The following PWWP3B variants were observed in gnomAD, a reference collection of about 807,000 sequenced individuals.
PWWP3B encodes PWWP domain containing 3B, also known as PWWP domain-containing DNA repair factor 3B.
A neutral mutation model predicts 15.7 loss-of-function variants in PWWP3B; 5 were observed. That is an observed-to-expected ratio of 0.32 (90% CI 0.17 to 0.67). PWWP3B has a LOEUF of 0.67. PWWP3B is among the 30% of genes least tolerant of loss of function. The pLI is 0.74. For missense variants in PWWP3B, 519 were observed against 493.1 expected (o/e 1.05, Z -0.50); for synonymous variants, 203 against 179.8 (o/e 1.13, Z -1.03).
intron 2 of PWWP3B, among the ~76,000 whole-genome samples, chrX:106,180,663 C>G (rs969143208): frequency 1.8e-5 from 2 of 111,786 alleles, no homozygotes; most frequent in African/African-American, 6.5e-5. Flanking sequence ...CTGGTTAAAC[C>G]AGACAAACGC....
At chrX:106,190,844 C>A (rs1922890834) in intron 2 of PWWP3B, among the ~76,000 whole-genome samples, 1 of 111,162 alleles carries the variant, frequency 9.0e-6, no homozygotes, top group Non-Finnish European at 1.9e-5. Flanking sequence ...TGTCAAAGAT[C>A]AGATAGTTGT....
At position 106,193,936 on chromosome X, in the gene PWWP3B, T is replaced by G. The variant is rs181423967; in HGVS notation, c.-400-10049T>G. On this transcript the variant is annotated intron_variant, in intron 2 of 3. Transcript: ENST00000357175. ...TGTTAGTCTGATGGGCTTCCCTTTG[T>G]GGGTAACCTCACCTTTCTTTCTGGC... Among the ~76,000 whole-genome samples the G allele has an allele frequency of 3.5e-3, 398 of 112,303 alleles. 3 individuals are homozygous for G. The highest frequency in any genetic ancestry group is 0.012 in the African/African-American group (381 of 30,913).
At chrX:106,204,693 A>C (rs1369636650) in intron 3 of PWWP3B, among the ~76,000 whole-genome samples, 1 of 112,276 alleles carries the variant, frequency 8.9e-6, no homozygotes. Context: ...CAACTAGAAC[A>C]TTGCTCCTCA....
chrX:106,201,054 A>T (rs6652939), intron 2 of PWWP3B, among the ~76,000 whole-genome samples: 31 of 110,668 alleles, frequency 2.8e-4, no homozygotes, highest in South Asian at 1.5e-3. Flanking sequence ...TCTCAAAAAA[A>T]AAAATAAAAT....
rs937960701 is a variant in PWWP3B, at chrX:106,168,442, G to C, written c.-529+17G>C. 1.8e-5 allele frequency: 2 copies of C among 112,340 alleles called. No homozygotes were observed. Among genetic ancestry groups the C allele is most frequent in the Non-Finnish European group, 1.9e-5 (1 of 53,292 alleles). 9.3% of individuals were successfully genotyped at this position (112,340 alleles called of 1,213,427 possible). The stretch of plus-strand genomic sequence containing the variant: ...GGAATAAAGGTGAGAAAAGAAGAGA[G>C]TGCTGCTTAGGAATAACGGGAAAGG... On this transcript the variant is annotated intron_variant, in intron 1 of 3. Transcript: ENST00000357175.
chrX:106,193,028 G>T (rs919212638), intron 2 of PWWP3B, among the ~76,000 whole-genome samples: 3 of 111,569 alleles, frequency 2.7e-5, no homozygotes, highest in African/African-American at 9.8e-5. Flanking sequence ...GTTGATTTAG[G>T]GTGGAGAGTT....
intron 2 of PWWP3B, among the ~76,000 whole-genome samples, chrX:106,171,609 G>A (rs377529396): frequency 1.8e-5 from 2 of 111,471 alleles, no homozygotes; most frequent in Admixed American, 9.5e-5. Context: ...TTCAATAGGC[G>A]ATTTTATCTG....
At chrX:106,187,747 T>C (rs1250340423) in intron 2 of PWWP3B, among the ~76,000 whole-genome samples, 1 of 111,797 alleles carries the variant, frequency 8.9e-6, no homozygotes, top group Middle Eastern at 4.2e-3. Flanking sequence ...ATATTTTGAA[T>C]ATCTATGAAA....
intron 2 of PWWP3B, among the ~76,000 whole-genome samples, chrX:106,191,124 ATTACC>A (rs1922920681): frequency 9.1e-6 from 1 of 109,905 alleles, no homozygotes; most frequent in African/African-American, 3.3e-5. Flanking sequence ...GAATCTATAA[ATTACC>A]TTGGGCAGTA....
chrX:106,204,413 T>C (rs959972772), intron 3 of PWWP3B, among the ~76,000 whole-genome samples: 1 of 112,193 alleles, frequency 8.9e-6, no homozygotes, highest in South Asian at 3.7e-4. Flanking sequence ...TCTCACTTTT[T>C]AAACGATTAT....
At position 106,189,908 on chromosome X, in the gene PWWP3B, C is replaced by T. The variant is rs188493642; in HGVS notation, c.-400-14077C>T. On this transcript the variant is annotated intron_variant, in intron 2 of 3. Transcript: ENST00000357175. ...CTGGGATTACAGGCGTGAGCCACCGCGCCCGGCGCCACATTTTCTTAATCC... is the reference window on the plus strand; with the variant it reads ...CTGGGATTACAGGCGTGAGCCACCGTGCCCGGCGCCACATTTTCTTAATCC... Among the ~76,000 whole-genome samples the T allele has an allele frequency of 6.9e-3, 772 of 112,459 alleles. 11 individuals carry two copies. Among genetic ancestry groups the T allele is most frequent in the African/African-American group, 0.024 (735 of 31,000 alleles).
At chrX:106,190,955 G>T (rs1260696018) in intron 2 of PWWP3B, among the ~76,000 whole-genome samples, 1 of 111,447 alleles carries the variant, frequency 9.0e-6, no homozygotes, top group African/African-American at 3.3e-5. Context: ...TAGCCTTGTA[G>T]TATAGTTTGA....
intron 2 of PWWP3B, among the ~76,000 whole-genome samples, chrX:106,172,482 CT>C (rs763038755): frequency 1.8e-5 from 2 of 108,848 alleles, no homozygotes. Flanking sequence ...TCTTTTCAAA[CT>C]TTTTTTTGTT....
chrX:106,187,346 C>A (rs1215343532), intron 2 of PWWP3B, among the ~76,000 whole-genome samples: 1 of 112,017 alleles, frequency 8.9e-6, no homozygotes, highest in Non-Finnish European at 1.9e-5. Context: ...GTTTCCCATT[C>A]CATCATCCTG....
rs189092079 is a variant in PWWP3B, at chrX:106,190,261, T to C, written c.-400-13724T>C. On this transcript the variant is annotated intron_variant, in intron 2 of 3. Coordinates refer to ENST00000357175, the MANE Select transcript of PWWP3B (RefSeq NM_001171020.2). ...CTAACTGGTATGAGATGGTATCTCA[T>C]TGTGGTTTTGATTTGCATTTCTCTG... Among the ~76,000 whole-genome samples, 3 of 112,285 alleles carry C rather than the reference T, an allele frequency of 2.7e-5. No homozygotes were observed. In the East Asian group the frequency reaches 8.4e-4, roughly 31 times the overall value.
At chrX:106,198,011 C>T (rs954306096) in intron 2 of PWWP3B, among the ~76,000 whole-genome samples, 7 of 111,917 alleles carry the variant, frequency 6.3e-5, no homozygotes, top group Non-Finnish European at 7.5e-5. Context: ...CAGATGCTTT[C>T]TAAGGCATAC....
In PWWP3B at chrX:106,207,485, G is replaced by A; in HGVS notation, c.2053G>A (p.Glu685Lys). ...RELFDAKIIY[E>K]KRRKAPTNEA... ...ATTATTTGATGCAAAAATAATATAT[G>A]AAAAGAGACGAAAAGCACCAACAAA... Residue 685 changes from glutamate to lysine, a missense_variant, in exon 4 of 4, where the codon GAA becomes AAA. By Grantham distance (56) the Glu-to-Lys change is moderately conservative. Coordinates refer to ENST00000357175, the MANE Select transcript of PWWP3B (RefSeq NM_001171020.2). 8.7e-7 allele frequency: 1 copy of A among 1,145,288 alleles called. No individual in the cohort carries two copies. The highest frequency in any genetic ancestry group is 1.2e-6 in the Non-Finnish European group (1 of 864,538). 94.4% of individuals were successfully genotyped at this position (1,145,288 alleles called of 1,213,427 possible).
At chrX:106,183,834 T>C (rs1459945587) in intron 2 of PWWP3B, among the ~76,000 whole-genome samples, 1 of 112,390 alleles carries the variant, frequency 8.9e-6, no homozygotes, top group African/African-American at 3.2e-5. Context: ...CTGGCGCTTG[T>C]CCTGGTCACC....
At chrX:106,184,493 G>A (rs1057433315) in intron 2 of PWWP3B, among the ~76,000 whole-genome samples, 2 of 111,253 alleles carry the variant, frequency 1.8e-5, no homozygotes, top group Non-Finnish European at 3.8e-5. Flanking sequence ...GATCTGAGTC[G>A]AGGTCCCAGT....
Sources: allele counts gnomAD v4.1 joint callset (sites outside exome capture counted in the v4.1 genomes callset), GRCh38; gene constraint gnomAD v4.1.1; transcripts MANE v1.5; gene names NCBI Gene and HGNC (gene_info 2026-07-23, HGNC 2026-07-21).